Variants in CA10 observed in about 807,000 individuals in gnomAD.
CA10 encodes the protein carbonic anhydrase-related protein 10.
CA10 carries 14 observed loss-of-function variants against 44.2 expected under a neutral mutation model. The observed-to-expected ratio is 0.32, with a 90% CI of 0.21 to 0.50. CA10 has a LOEUF of 0.50. CA10 is among the 20% of genes least tolerant of loss of function. The pLI is 0.99. For synonymous variants in CA10, 159 were observed against 141.6 expected (o/e 1.12, Z -0.87); for missense variants, 350 against 409.7 (o/e 0.85, Z 1.26).
At chr17:52,123,792 T>C (rs1007916896) in intron 1 of CA10, among the ~76,000 whole-genome samples, 1 of 152,210 alleles carries the variant, frequency 6.6e-6, no homozygotes, top group Non-Finnish European at 1.5e-5. Context: ...AATAAATAAA[T>C]GAATGAGGAG....
intron 3 of CA10, among the ~76,000 whole-genome samples, chr17:51,866,291 T>C (rs1425085532): frequency 6.6e-6 from 1 of 152,200 alleles, no homozygotes; most frequent in Non-Finnish European, 1.5e-5. Flanking sequence ...AAATAGTATA[T>C]TGTCTCCATG....
Position 51,796,759 on chromosome 17 carries a change from T to A in CA10, c.280-48941A>T, listed in dbSNP as rs553516174. 1.3e-4 allele frequency among the ~76,000 whole-genome samples: 20 copies of A among 152,270 alleles called. No individual in the cohort carries two copies. The East Asian group carries it at 3.5e-3, about 27-fold the overall frequency. ...CATCCTCTTCCTCTCCAACTCCCTG[T>A]AGTCTTGTCCATTGCTAAGCCCGCT... is the stretch of plus-strand genomic sequence containing the variant. On this transcript the variant is annotated intron_variant, in intron 3 of 8. Transcript: ENST00000451037.
chr17:51,863,778 T>C (rs1323837711), intron 3 of CA10, among the ~76,000 whole-genome samples: 1 of 152,172 alleles, frequency 6.6e-6, no homozygotes, highest in African/African-American at 2.4e-5. Context: ...TAGAAAGAAG[T>C]CTGGGAGGAT....
At chr17:51,929,582 T>C (rs1026643190) in intron 3 of CA10, among the ~76,000 whole-genome samples, 1 of 152,134 alleles carries the variant, frequency 6.6e-6, no homozygotes, top group Admixed American at 6.5e-5. Context: ...TAGAATGCAA[T>C]TATCCCCTAC....
chr17:51,664,199 TCTC>T (rs1433426166), intron 4 of CA10, among the ~76,000 whole-genome samples: 7 of 152,138 alleles, frequency 4.6e-5, no homozygotes, highest in Non-Finnish European at 8.8e-5. Flanking sequence ...TTTTTGGTCA[TCTC>T]CTACGCAAAA....
chr17:51,797,903 G>T (rs930525586), intron 3 of CA10, among the ~76,000 whole-genome samples: 1 of 146,570 alleles, frequency 6.8e-6, no homozygotes, highest in African/African-American at 2.5e-5. Flanking sequence ...GACAAGAGTA[G>T]CTAATCTACC....
intron 3 of CA10, among the ~76,000 whole-genome samples, chr17:51,861,218 T>G (rs1349862727): frequency 6.6e-6 from 1 of 152,172 alleles, no homozygotes; most frequent in African/African-American, 2.4e-5. Context: ...GCTTAGTGTT[T>G]GCTTCAAGCA....
intron 4 of CA10, among the ~76,000 whole-genome samples, chr17:51,702,930 C>T (rs552618414): frequency 1.3e-5 from 2 of 152,298 alleles, no homozygotes; most frequent in Admixed American, 1.3e-4. Context: ...TCTGGTGGCT[C>T]CCTTACCCAG....
rs1912548735 is a variant in CA10, at chr17:51,631,055, C to G, written c.*529G>C. On this transcript the variant is annotated 3_prime_UTR_variant, in exon 9 of 9. Coordinates refer to ENST00000451037, the MANE Select transcript of CA10 (RefSeq NM_020178.5). ...CCTTGGTCAACTTTGTCCTGCTCACCTGCTACCAGCACCCTCAAAGGATCC... is the reference window on the plus strand; with the variant it reads ...CCTTGGTCAACTTTGTCCTGCTCACGTGCTACCAGCACCCTCAAAGGATCC... The G allele has an allele frequency of 6.7e-6, 1 of 148,192 alleles. No homozygotes were observed. The highest frequency in any genetic ancestry group is 2.7e-5 in the African/African-American group (1 of 37,528). 9.2% of individuals were successfully genotyped at this position (148,192 alleles called of 1,614,324 possible). A position where few individuals can be genotyped will look rare whatever the true frequency, so the allele number is the denominator to read the frequency against.
chr17:52,065,381 C>T (rs572780865), intron 2 of CA10, among the ~76,000 whole-genome samples: 14 of 152,262 alleles, frequency 9.2e-5, no homozygotes, highest in African/African-American at 2.4e-4. Context: ...CTCTGTCTCC[C>T]GAGTCAAGCC....
chr17:51,876,945 A>T (rs1457832128), intron 3 of CA10, among the ~76,000 whole-genome samples: 1 of 152,206 alleles, frequency 6.6e-6, no homozygotes, highest in Non-Finnish European at 1.5e-5. Context: ...TTGATTTTAA[A>T]ATCAGGAACG....
At chr17:51,815,146 A>C (rs1907516858) in intron 3 of CA10, among the ~76,000 whole-genome samples, 1 of 151,964 alleles carries the variant, frequency 6.6e-6, no homozygotes, top group African/African-American at 2.4e-5. Context: ...GTATCTGGGG[A>C]CATTTTTGGC....
chr17:51,829,364 C>CA (rs1187207200), intron 3 of CA10, among the ~76,000 whole-genome samples: 1 of 152,106 alleles, frequency 6.6e-6, no homozygotes, highest in African/African-American at 2.4e-5. Flanking sequence ...ATGGATTGTC[C>CA]AAGCTGTTAC....
intron 2 of CA10, among the ~76,000 whole-genome samples, chr17:52,036,157 A>G (rs8065627): frequency 0.92 from 139,595 of 152,148 alleles, 64,176 homozygotes; most frequent in Non-Finnish European, 0.95. Context: ...GTCCACCGTT[A>G]TAATGTAACT....
intron 3 of CA10, among the ~76,000 whole-genome samples, chr17:51,880,872 ATG>A (rs1459007070): frequency 1.3e-5 from 2 of 152,200 alleles, no homozygotes; most frequent in Non-Finnish European, 2.9e-5. Flanking sequence ...CTACAAATAT[ATG>A]TAGAAATGTA....
chr17:51,908,965 T>C (rs192369290), intron 3 of CA10, among the ~76,000 whole-genome samples: 4 of 152,278 alleles, frequency 2.6e-5, no homozygotes, highest in Middle Eastern at 6.8e-3. Flanking sequence ...CTGAATAAAA[T>C]GTCCTTGGCT....
chr17:51,821,620 C>T (rs780648357), intron 3 of CA10, among the ~76,000 whole-genome samples: 1 of 152,018 alleles, frequency 6.6e-6, no homozygotes, highest in Non-Finnish European at 1.5e-5. Context: ...CTTGTAAAAA[C>T]TGAAGTCAGA....
At chr17:51,658,508 G>T (rs1913883422) in intron 4 of CA10, among the ~76,000 whole-genome samples, 1 of 152,182 alleles carries the variant, frequency 6.6e-6, no homozygotes, top group African/African-American at 2.4e-5. Flanking sequence ...GAATCCTGAT[G>T]ACCAGGAGCC....
At chr17:51,786,020 A>C (rs1225731982) in intron 3 of CA10, among the ~76,000 whole-genome samples, 1 of 151,900 alleles carries the variant, frequency 6.6e-6, no homozygotes, top group East Asian at 1.9e-4. Flanking sequence ...CGTTATAGAG[A>C]TCTTTCACTT....
Sources: allele counts gnomAD v4.1 joint callset (sites outside exome capture counted in the v4.1 genomes callset), GRCh38; gene constraint gnomAD v4.1.1; transcripts MANE v1.5; gene names NCBI Gene and HGNC (gene_info 2026-07-23, HGNC 2026-07-21).